PLA2G4C: variants seen among roughly 807,000 people sequenced by gnomAD.
PLA2G4C encodes the protein phospholipase A2 group IVC, also known as cytosolic phospholipase A2 gamma.
A neutral mutation model predicts 73.8 loss-of-function variants in PLA2G4C; 64 were observed. The observed-to-expected ratio is 0.87, with a 90% confidence interval of 0.71 to 1.07. The LOEUF is 1.07. Ranked by LOEUF, PLA2G4C falls within the 50% of genes least tolerant of loss-of-function variation. The pLI is 0.00. For missense variants in PLA2G4C, 622 were observed against 665.4 expected, an observed-to-expected ratio of 0.93 and a Z score of 0.72; for synonymous variants, 254 against 252.1, an observed-to-expected ratio of 1.01 and a Z score of -0.07.
At chr19:48,107,176 G>A (rs2032277351) in intron 1 of PLA2G4C, among the ~76,000 whole-genome samples, 1 of 147,942 alleles carries the variant, frequency 6.8e-6, no homozygotes, top group South Asian at 2.1e-4. Flanking sequence ...AAACTTTGGT[G>A]GGCAAGGGGC....
chr19:48,106,490 T>C lies in PLA2G4C; in HGVS notation c.8+32A>G, dbSNP rs756739087. 21 of 1,546,578 alleles carry C rather than the reference T, an allele frequency of 1.4e-5. No individual in the cohort carries two copies. In the African/African-American group the frequency reaches 2.3e-4, roughly 17 times the overall value. ...CATTCCATTACACAAATGCTCTGCT[T>C]CCCCATAGTGGTCAGCTCTAAGAGG... is the stretch of plus-strand genomic sequence containing the variant. On this transcript the variant is annotated intron_variant, in intron 2 of 16. Transcript: ENST00000599921.
chr19:48,107,350 T>TAAAACA (rs146492565), intron 1 of PLA2G4C, among the ~76,000 whole-genome samples: 22,971 of 151,448 alleles, frequency 0.15, 1,921 homozygotes, highest in African/African-American at 0.23. Flanking sequence ...TTCTTTTTTT[T>TAAAACA]AAAACAAAAA....
chr19:48,100,588 G>T (rs1316959745), intron 4 of PLA2G4C, among the ~76,000 whole-genome samples: 5 of 129,342 alleles, frequency 3.9e-5, no homozygotes, highest in African/African-American at 1.6e-4. Flanking sequence ...CTGGGCGACA[G>T]AGCGTGACTC....
intron 15 of PLA2G4C, 108 bp from the exon 16 acceptor site, chr19:48,053,255 C>T (rs1192545952): frequency 1.5e-6 from 1 of 688,062 alleles, no homozygotes; most frequent in Non-Finnish European, 2.3e-6. Context: ...AGTTGTGGAC[C>T]AAATCCAGTC....
chr19:48,078,542 C>T (rs1679476511), intron 10 of PLA2G4C, among the ~76,000 whole-genome samples: 1 of 152,112 alleles, frequency 6.6e-6, no homozygotes, highest in African/African-American at 2.4e-5. Context: ...AATCAATGTA[C>T]ACAAACAGTA....
chr19:48,053,442 T>C (rs1411263495), intron 15 of PLA2G4C, among the ~76,000 whole-genome samples: 1 of 143,820 alleles, frequency 7.0e-6, no homozygotes, highest in Admixed American at 7.3e-5. Flanking sequence ...CAATCTTGGG[T>C]GACTGTAACC....
At chr19:48,061,148 T>C (rs1968152398) in intron 14 of PLA2G4C, among the ~76,000 whole-genome samples, 1 of 151,646 alleles carries the variant, frequency 6.6e-6, no homozygotes, top group African/African-American at 2.4e-5. Flanking sequence ...ACTAGCCTGG[T>C]GTGGTGGTGT....
At chr19:48,064,113 G>A (rs1968313411) in intron 13 of PLA2G4C, among the ~76,000 whole-genome samples, 1 of 152,154 alleles carries the variant, frequency 6.6e-6, no homozygotes, top group Non-Finnish European at 1.5e-5. Context: ...AAGTATTTGT[G>A]ATAAAGGATT....
At position 48,067,818 on chromosome 19, in the gene PLA2G4C, T is replaced by C. The variant is rs1568429929; in HGVS notation, c.1075A>G (p.Thr359Ala). Residue 359 changes from threonine (T) to alanine (A), a missense_variant, in exon 13 of 17, where the codon ACC (threonine) becomes GCC (alanine). By Grantham distance (58) the Thr-to-Ala change is moderately conservative. Transcript: ENST00000599921. ...TGTTTGTACAGGAAGTTGTGAGTGG[T>C]CCCCCATTCCCACTTTGAAGCGCAA... ...GICASKWEWG[T>A]THNFLYKHGG... 6 of 1,611,384 alleles carry C rather than the reference T, an allele frequency of 3.7e-6. No homozygotes were observed. The highest frequency in any genetic ancestry group is 1.1e-5 in the South Asian group (1 of 91,010).
intron 10 of PLA2G4C, among the ~76,000 whole-genome samples, chr19:48,082,963 G>A (rs2030699372): frequency 6.6e-6 from 1 of 151,554 alleles, no homozygotes; most frequent in African/African-American, 2.4e-5. Context: ...ACAGGCGCCC[G>A]CCACTACGCC....
At chr19:48,107,686 G>C (rs754144545) in intron 1 of PLA2G4C, among the ~76,000 whole-genome samples, 56 of 152,106 alleles carry the variant, frequency 3.7e-4, no homozygotes, top group Non-Finnish European at 4.4e-5. Flanking sequence ...TGTCAGGCCC[G>C]CCCGCAGTTA....
At chr19:48,109,790 C>T (rs1402314198) in intron 1 of PLA2G4C, among the ~76,000 whole-genome samples, 23 of 152,024 alleles carry the variant, frequency 1.5e-4, no homozygotes, top group Admixed American at 1.5e-3. Context: ...GCTGGGACTA[C>T]AGGCGCCCGC....
intron 14 of PLA2G4C, among the ~76,000 whole-genome samples, chr19:48,059,929 C>T (rs574964184): frequency 9.2e-5 from 14 of 151,958 alleles, no homozygotes; most frequent in African/African-American, 1.9e-4. Flanking sequence ...CCACCACGCC[C>T]AGCTAATTTT....
At position 48,068,198 on chromosome 19, in the gene PLA2G4C, G is replaced by C. The variant is rs187565309; in HGVS notation, c.1007-312C>G. ...CGCATGCCTGTAGTCCCAGCTACTGGGGAGGCTGAGGCAGGAGAATCGCTT... is the reference window on the plus strand; with the variant it reads ...CGCATGCCTGTAGTCCCAGCTACTGCGGAGGCTGAGGCAGGAGAATCGCTT... On this transcript the variant is annotated intron_variant, in intron 12 of 16. Transcript: ENST00000599921. 9.9e-5 allele frequency among the ~76,000 whole-genome samples: 15 copies of C among 152,008 alleles called. No homozygotes were observed. The East Asian group carries it at 2.9e-3, about 29-fold the overall frequency.
In PLA2G4C at chr19:48,110,477, C is replaced by A. The variant is rs957557120; in HGVS notation, c.-33+10G>T. The A allele has an allele frequency of 1.0e-5, 14 of 1,398,048 alleles. No individual in the cohort carries two copies. The highest frequency in any genetic ancestry group is 2.0e-4 in the Middle Eastern group (1 of 5,116). The allele number at this position is 1,398,048 out of a possible 1,614,324, so 86.6% of individuals were successfully genotyped here. A position where few individuals can be genotyped will look rare whatever the true frequency, so the allele number is the denominator to read the frequency against. On this transcript the variant is annotated intron_variant, in intron 1 of 16. Coordinates refer to ENST00000599921, the MANE Select transcript of PLA2G4C (RefSeq NM_003706.3). ...GGGATGAAACAGCCCTCCCTGCCCC[C>A]ACGGCTTGCCTGAGCCTGGGTCTGG...
intron 9 of PLA2G4C, 126 bp from the exon 10 acceptor site, chr19:48,085,238 T>C (rs1357153491): frequency 2.9e-6 from 2 of 694,476 alleles, no homozygotes; most frequent in Non-Finnish European, 5.2e-6. Context: ...AAGATCATTC[T>C]TCCATTCCAT....
chr19:48,092,334 C>T (rs2031356128), intron 7 of PLA2G4C, among the ~76,000 whole-genome samples: 1 of 152,246 alleles, frequency 6.6e-6, no homozygotes, highest in Non-Finnish European at 1.5e-5. Context: ...CAGGCATTAG[C>T]CACCACACCT....
chr19:48,104,236 A>G (rs1180496393), intron 4 of PLA2G4C: 1 of 193,196 alleles, frequency 5.2e-6, no homozygotes, highest in Non-Finnish European at 1.1e-5. Context: ...AATTGTAAGT[A>G]AAGTGTGTTC....
intron 16 of PLA2G4C, among the ~76,000 whole-genome samples, chr19:48,050,233 T>C (rs1328115772): frequency 6.6e-6 from 1 of 152,102 alleles, no homozygotes; most frequent in African/African-American, 2.4e-5. Context: ...GTGGTACTTT[T>C]TAATGGCAGC....
Sources: gnomAD v4.1 joint callset for allele counts (sites outside exome capture counted in the v4.1 genomes callset) on GRCh38, gnomAD v4.1.1 for gene constraint, MANE v1.5 for transcripts, NCBI Gene and HGNC (gene_info 2026-07-23, HGNC 2026-07-21) for gene names.